Variants in BBIP1 observed in about 807,000 individuals in gnomAD.
BBIP1 encodes the protein BBSome-interacting protein 1.
BBIP1 carries 6 observed loss-of-function variants against 8.9 expected under a neutral mutation model. The ratio of observed to expected loss-of-function variants is 0.67; its 90% confidence interval spans 0.37 to 1.33. The LOEUF (loss-of-function observed/expected upper bound fraction) is 1.33. Among genes scored for constraint, BBIP1 ranks in the 40% most tolerant of loss-of-function variants. The probability of loss-of-function intolerance (pLI) is 0.02; values close to 1 mark genes in which losing one functional copy is unlikely to be tolerated. For synonymous variants in BBIP1, 32 were observed against 33.4 expected (o/e 0.96, Z 0.14); for missense variants, 111 against 109.2 (o/e 1.02, Z -0.07).
chr10:110,902,609 A>G (rs986011171), intron 2 of BBIP1: 1 of 152,160 alleles, frequency 6.6e-6, no homozygotes, highest in Non-Finnish European at 1.5e-5. Flanking sequence ...CCGCTCCACT[A>G]CTTTGACATT....
At chr10:110,909,998 T>C (rs1358063958) in intron 2 of BBIP1, among the ~76,000 whole-genome samples, 1 of 152,176 alleles carries the variant, frequency 6.6e-6, no homozygotes, top group Non-Finnish European at 1.5e-5. Flanking sequence ...AGGTAGGGAA[T>C]GAGACACATG....
intron 2 of BBIP1, among the ~76,000 whole-genome samples, chr10:110,906,005 CTTTT>C (rs71035311): frequency 9.4e-6 from 1 of 106,102 alleles, no homozygotes; most frequent in Non-Finnish European, 2.0e-5. Context: ...ATTTTCATGC[CTTTT>C]TTTTTTTTTT....
chr10:110,908,355 C>T (rs755318023), intron 2 of BBIP1, among the ~76,000 whole-genome samples: 37 of 152,164 alleles, frequency 2.4e-4, no homozygotes, highest in African/African-American at 4.8e-4. Context: ...TTTCTAGTGA[C>T]GCAAGTACAA....
At chr10:110,902,739 C>G (rs541444109) in intron 2 of BBIP1, 2 of 152,356 alleles carry the variant, frequency 1.3e-5, no homozygotes, top group Admixed American at 6.5e-5. Context: ...TGTCATCAAA[C>G]TTCACCCCTA....
At chr10:110,916,157 C>T (rs1215023775) in intron 2 of BBIP1, among the ~76,000 whole-genome samples, 3 of 152,210 alleles carry the variant, frequency 2.0e-5, no homozygotes, top group Non-Finnish European at 4.4e-5. Flanking sequence ...TATTTCCACA[C>T]AAGCAAATTC....
chr10:110,918,375 G>T (rs1025081457), intron 1 of BBIP1, among the ~76,000 whole-genome samples, 162 bp from the exon 2 acceptor site: 1 of 152,212 alleles, frequency 6.6e-6, no homozygotes, highest in Non-Finnish European at 1.5e-5. Flanking sequence ...GACGCGGAAA[G>T]GGGGGAAAAA....
rs1175285264 is a variant in BBIP1 at position 110,901,574 on chromosome 10, C to A, written c.76G>T (p.Val26Leu). The part of the protein sequence containing the change: ...TISNNSDMAE[V>L]KSMFREVLPK... ...AGAACTTCCCGGAACATTGACTTCA[C>A]TTCTGCCATATCTGAGTTGTTGGAT... The change falls in exon 3 of 4, where the codon GTG becomes TTG. Residue 26 changes from valine to leucine, a missense_variant. Coordinates refer to ENST00000448814, the MANE Select transcript of BBIP1 (RefSeq NM_001195305.3). 1.6e-5 allele frequency: 25 copies of A among 1,535,558 alleles called. No individual in the cohort carries two copies. Among genetic ancestry groups the A allele is most frequent in the Admixed American group, 2.0e-5 (1 of 50,982 alleles).
intron 1 of BBIP1, among the ~76,000 whole-genome samples, chr10:110,918,572 G>A (rs544576549): frequency 2.2e-4 from 33 of 152,380 alleles, no homozygotes; most frequent in African/African-American, 5.5e-4. Context: ...CAAGAGCTCC[G>A]TTTTGCCGGA....
chr10:110,901,628 A>G lies in BBIP1; in HGVS notation c.38-16T>C. 5 of 1,511,622 alleles carry G rather than the reference A, an allele frequency of 3.3e-6. No individual in the cohort carries two copies. The highest frequency in any genetic ancestry group is 4.4e-6 in the Non-Finnish European group (5 of 1,124,530). 93.6% of individuals were successfully genotyped at this position (1,511,622 alleles called of 1,614,324 possible). A position where few individuals can be genotyped will look rare whatever the true frequency, so the allele number is the denominator to read the frequency against. On this transcript the variant is annotated splice_polypyrimidine_tract_variant and intron_variant, in intron 2 of 3. Coordinates refer to ENST00000448814, the MANE Select transcript of BBIP1 (RefSeq NM_001195305.3). ...GTGTTTTTTCCTTCAATGAGAAATC[A>G]GTATTATTCAAGAATACATTCCCAA... is the stretch of plus-strand genomic sequence containing the variant.
intron 3 of BBIP1, 87 bp downstream of exon 3, chr10:110,901,451 T>TTAGC: frequency 1.1e-6 from 1 of 876,238 alleles, no homozygotes; most frequent in Non-Finnish European, 1.8e-6. Flanking sequence ...CTGCAGATGT[T>TTAGC]TAGCTATTAA....
intron 2 of BBIP1, among the ~76,000 whole-genome samples, chr10:110,909,559 G>A (rs1198945448): frequency 1.3e-5 from 2 of 152,196 alleles, no homozygotes; most frequent in African/African-American, 4.8e-5. Flanking sequence ...AGACCTACAA[G>A]TGAAAGTCTT....
upstream of BBIP1, chr10:110,919,365 C>T (rs1196369598): frequency 2.6e-6 from 1 of 383,706 alleles, no homozygotes. Flanking sequence ...CGTAGAGGAA[C>T]TGAGGAAAGG....
Position 110,900,308 on chromosome 10 carries a change from A to ATTG in BBIP1, c.*49_*51dup, listed in dbSNP as rs1845958095. Reference sequence around the variant, plus strand: ...GCACACAGAAGCATATTTTCTAGTTATTGTTAAATAGTAGATAAGGCAGGT... The same window carrying ATTG: ...GCACACAGAAGCATATTTTCTAGTTATTGTTGTTAAATAGTAGATAAGGCAGGT... On this transcript the variant is annotated 3_prime_UTR_variant, in exon 4 of 4. Coordinates refer to ENST00000448814, the MANE Select transcript of BBIP1 (RefSeq NM_001195305.3). The ATTG allele has an allele frequency of 1.4e-6, 2 of 1,447,194 alleles. No individual in the cohort carries two copies. The allele number at this position is 1,447,194 out of a possible 1,614,324, so 89.6% of individuals were successfully genotyped here.
At chr10:110,901,264 G>C in intron 3 of BBIP1, 1 of 428,346 alleles carries the variant, frequency 2.3e-6, no homozygotes, top group Non-Finnish European at 4.3e-6. Context: ...CTGGGTGGCA[G>C]AGTGACAACC....
At chr10:110,915,170 T>C (rs1257452458) in intron 2 of BBIP1, among the ~76,000 whole-genome samples, 1 of 152,166 alleles carries the variant, frequency 6.6e-6, no homozygotes, top group Admixed American at 6.5e-5. Context: ...TTTTTTTGTT[T>C]TTTTAAGACA....
intron 2 of BBIP1, among the ~76,000 whole-genome samples, chr10:110,905,422 C>T (rs1846106863): frequency 6.6e-6 from 1 of 152,006 alleles, no homozygotes; most frequent in African/African-American, 2.4e-5. Flanking sequence ...ATTAGCAGGG[C>T]GTAGTGGTGG....
intron 2 of BBIP1, among the ~76,000 whole-genome samples, chr10:110,912,650 AAAGTC>A (rs1846305988): frequency 6.6e-6 from 1 of 152,220 alleles, no homozygotes; most frequent in South Asian, 2.1e-4. Context: ...TGTGGATGCC[AAAGTC>A]AAGTCTTGGT....
In BBIP1 at chr10:110,900,316, ATAG is replaced by A. The variant is rs1465344901; in HGVS notation, c.*41_*43del. On this transcript the variant is annotated 3_prime_UTR_variant, in exon 4 of 4. Coordinates refer to ENST00000448814, the MANE Select transcript of BBIP1 (RefSeq NM_001195305.3). The stretch of plus-strand genomic sequence containing the variant: ...AAGCATATTTTCTAGTTATTGTTAA[ATAG>A]TAGATAAGGCAGGTTGTTCCCTAAA... 6.7e-7 allele frequency: 1 copy of A among 1,483,782 alleles called. No individual in the cohort carries two copies. Among genetic ancestry groups the A allele is most frequent in the East Asian group, 2.5e-5 (1 of 39,758 alleles). 91.9% of individuals were successfully genotyped at this position (1,483,782 alleles called of 1,614,324 possible).
intron 3 of BBIP1, 82 bp downstream of exon 3, chr10:110,901,456 T>C: frequency 1.1e-6 from 1 of 926,610 alleles, no homozygotes; most frequent in Non-Finnish European, 1.7e-6. Flanking sequence ...GATGTTTAGC[T>C]ATTAAGCCTG....
Sources: gnomAD v4.1 joint callset for allele counts (sites outside exome capture counted in the v4.1 genomes callset) on GRCh38, gnomAD v4.1.1 for gene constraint, MANE v1.5 for transcripts, NCBI Gene and HGNC (gene_info 2026-07-23, HGNC 2026-07-21) for gene names.